The following FBXO34 variants were observed in gnomAD, a reference collection of about 807,000 sequenced individuals.
The protein encoded by FBXO34 is F-box protein 34.
Under a neutral mutation model 24.5 loss-of-function variants are expected in FBXO34, and 12 were observed. The observed-to-expected ratio is 0.49, with a 90% CI of 0.31 to 0.79. The LOEUF (loss-of-function observed/expected upper bound fraction) is 0.79, where lower values mean the gene tolerates loss of function less well. Ranked by LOEUF, FBXO34 falls within the 30% of genes least tolerant of loss-of-function variation. FBXO34 has a pLI of 0.04. For missense variants in FBXO34, 823 were observed against 857.7 expected (o/e 0.96, Z 0.51); for synonymous variants, 320 against 311.9 (o/e 1.03, Z -0.27).
At chr14:55,323,341 A>G (rs1307033235) in intron 1 of FBXO34, among the ~76,000 whole-genome samples, 1 of 141,316 alleles carries the variant, frequency 7.1e-6, no homozygotes, top group African/African-American at 2.7e-5. Flanking sequence ...TACTGGGATT[A>G]TATGCGTGAG....
the FBXO34 span, among the ~76,000 whole-genome samples, chr14:55,416,281 C>T: frequency 6.6e-6 from 1 of 151,996 alleles, no homozygotes; most frequent in Admixed American, 6.6e-5. Context: ...GGGATGAAGT[C>T]CTTATAAGCT....
chr14:55,401,645 A>C, the FBXO34 span, among the ~76,000 whole-genome samples: 5 of 152,260 alleles, frequency 3.3e-5, no homozygotes, highest in African/African-American at 1.2e-4. Flanking sequence ...TTTATGACTT[A>C]TGATTTTTTT....
chr14:55,360,575 C>G (rs1461240222), intron 3 of FBXO34, among the ~76,000 whole-genome samples: 1 of 152,044 alleles, frequency 6.6e-6, no homozygotes, highest in Non-Finnish European at 1.5e-5. Flanking sequence ...ACTCATAAAC[C>G]CTGGGATTTT....
At chr14:55,377,708 TCCGG>T in the FBXO34 span, 1 of 670,980 alleles carries the variant, frequency 1.5e-6, no homozygotes, top group African/African-American at 1.8e-5. Flanking sequence ...ACTATTTTTG[TCCGG>T]TTTGAGGAGT....
the FBXO34 span, among the ~76,000 whole-genome samples, chr14:55,421,076 AAAG>A: frequency 6.6e-5 from 10 of 151,662 alleles, no homozygotes; most frequent in Non-Finnish European, 1.3e-4. Flanking sequence ...AAAAAAAAAA[AAAG>A]AAAAAAGAAA....
chr14:55,366,059 A>C (rs774577563), downstream of FBXO34, among the ~76,000 whole-genome samples: 31 of 152,106 alleles, frequency 2.0e-4, no homozygotes, highest in Non-Finnish European at 3.7e-4. Context: ...GGCAGGTTCC[A>C]CGTGGGCATC....
intron 1 of FBXO34, among the ~76,000 whole-genome samples, chr14:55,316,968 A>G (rs1410646904): frequency 3.3e-5 from 5 of 152,204 alleles, no homozygotes; most frequent in African/African-American, 9.6e-5. Context: ...AGCTCTGAAT[A>G]TGCAAGTACG....
At chr14:55,411,774 A>G in the FBXO34 span, 2 of 1,605,396 alleles carry the variant, frequency 1.2e-6, no homozygotes, top group Non-Finnish European at 1.7e-6. Context: ...CGGGGCCCGC[A>G]GCCAGGAGCC....
intron 1 of FBXO34, among the ~76,000 whole-genome samples, chr14:55,315,791 C>T (rs1882906516): frequency 6.6e-6 from 1 of 152,214 alleles, no homozygotes; most frequent in Non-Finnish European, 1.5e-5. Context: ...AGACATTTCA[C>T]AATAATGTGC....
the FBXO34 span, among the ~76,000 whole-genome samples, chr14:55,407,175 C>A: frequency 6.6e-6 from 1 of 152,122 alleles, no homozygotes; most frequent in Non-Finnish European, 1.5e-5. Context: ...TCTCGCCAGG[C>A]TGGAGTGCAA....
chr14:55,432,186 C>A, the FBXO34 span, among the ~76,000 whole-genome samples: 4 of 149,384 alleles, frequency 2.7e-5, no homozygotes, highest in Admixed American at 2.7e-4. Context: ...GGTGGGAGGA[C>A]TACTTGAGCC....
chr14:55,396,852 C>G, the FBXO34 span, among the ~76,000 whole-genome samples: 485 of 151,976 alleles, frequency 3.2e-3, 2 homozygotes, highest in African/African-American at 0.011. Flanking sequence ...CATTCCCCCC[C>G]ACAAAAAAAA....
chr14:55,280,041 T>G (rs1371221070), intron 1 of FBXO34, among the ~76,000 whole-genome samples: 1 of 152,256 alleles, frequency 6.6e-6, no homozygotes, highest in Non-Finnish European at 1.5e-5. Context: ...AGTGTGTGGA[T>G]TAGTCCATTG....
At chr14:55,381,187 C>A in the FBXO34 span, among the ~76,000 whole-genome samples, 5 of 152,098 alleles carry the variant, frequency 3.3e-5, no homozygotes, top group Non-Finnish European at 5.9e-5. Flanking sequence ...CAAAGGGCCA[C>A]CTCTGTCTTG....
intron 1 of FBXO34, among the ~76,000 whole-genome samples, chr14:55,341,403 C>G (rs1883987115): frequency 6.6e-6 from 1 of 152,010 alleles, no homozygotes; most frequent in Non-Finnish European, 1.5e-5. Flanking sequence ...TCAAGTTTGG[C>G]CAAGCAAAGG....
the FBXO34 span, among the ~76,000 whole-genome samples, chr14:55,423,524 T>C: frequency 7.2e-5 from 11 of 152,238 alleles, no homozygotes. Context: ...TTCAATAACA[T>C]GTTAGAATGG....
At chr14:55,385,510 CT>C in the FBXO34 span, among the ~76,000 whole-genome samples, 1 of 152,216 alleles carries the variant, frequency 6.6e-6, no homozygotes, top group African/African-American at 2.4e-5. Flanking sequence ...CCAGGTTGGT[CT>C]CAAACTCCTG....
intron 1 of FBXO34, among the ~76,000 whole-genome samples, chr14:55,329,363 G>A (rs893503360): frequency 3.3e-5 from 5 of 152,100 alleles, no homozygotes; most frequent in African/African-American, 1.2e-4. Context: ...GGAACATACT[G>A]CAGTAAATCA....
chr14:55,278,611 A>G (rs1881423969), intron 1 of FBXO34, among the ~76,000 whole-genome samples: 1 of 152,210 alleles, frequency 6.6e-6, no homozygotes, highest in African/African-American at 2.4e-5. Context: ...CCAGAGGAAA[A>G]TACATAGGAC....
Sources: allele counts gnomAD v4.1 joint callset (sites outside exome capture counted in the v4.1 genomes callset), GRCh38; gene constraint gnomAD v4.1.1; transcripts MANE v1.5; gene names NCBI Gene and HGNC (gene_info 2026-07-23, HGNC 2026-07-21).